Variants in DDAH1 observed in about 807,000 individuals in gnomAD.
DDAH1 encodes the protein N(G),N(G)-dimethylarginine dimethylaminohydrolase 1.
In DDAH1, 19 loss-of-function variants were observed where a neutral mutation model predicts 28.8. That is an observed-to-expected ratio of 0.66 (90% CI 0.46 to 0.97). The LOEUF (loss-of-function observed/expected upper bound fraction) is 0.97, where lower values mean the gene tolerates loss of function less well. Among genes scored for constraint, DDAH1 ranks in the 50% least tolerant of loss-of-function variants. The pLI, the probability that DDAH1 is intolerant of heterozygous loss-of-function variation, is 0.00. For synonymous variants in DDAH1, 153 were observed against 154.4 expected, an observed-to-expected ratio of 0.99 and a Z score of 0.07; for missense variants, 326 against 375.9, an observed-to-expected ratio of 0.87 and a Z score of 1.10.
intron 1 of DDAH1, among the ~76,000 whole-genome samples, chr1:85,426,921 CAAA>C (rs10680800): frequency 2.5e-5 from 3 of 120,430 alleles, no homozygotes; most frequent in Non-Finnish European, 5.0e-5. Context: ...TTAAAAAAAA[CAAA>C]AAAAAAAAAA....
chr1:85,328,350 T>C (rs1257355362), intron 4 of DDAH1, among the ~76,000 whole-genome samples: 4 of 152,186 alleles, frequency 2.6e-5, no homozygotes, highest in African/African-American at 9.7e-5. Context: ...TTTAGTAAAA[T>C]AGTCCATAAA....
chr1:85,355,619 T>C (rs976681337), intron 2 of DDAH1, among the ~76,000 whole-genome samples: 1 of 152,186 alleles, frequency 6.6e-6, no homozygotes, highest in African/African-American at 2.4e-5. Flanking sequence ...AAAAAGAGTT[T>C]ACTCTATCAC....
chr1:85,514,317 A>T lies in DDAH1; in HGVS notation c.-122-18036T>A, dbSNP rs561265194. Among the ~76,000 whole-genome samples, 441 of 152,292 alleles carry T rather than the reference A, an allele frequency of 2.9e-3. 1 individual carries two copies. Among genetic ancestry groups the T allele is most frequent in the Non-Finnish European group, 5.3e-3 (358 of 68,028 alleles). Reference sequence around the variant, plus strand: ...CCAGACACTGCATGTTCTCACTCATAGGTGGGAATTGAACAATGAGATCAC... The same window carrying T: ...CCAGACACTGCATGTTCTCACTCATTGGTGGGAATTGAACAATGAGATCAC... On this transcript the variant is annotated intron_variant, in intron 1 of 6. Transcript: ENST00000426972.
At chr1:85,543,393 C>A (rs1658528852) in intron 1 of DDAH1, among the ~76,000 whole-genome samples, 1 of 152,188 alleles carries the variant, frequency 6.6e-6, no homozygotes, top group South Asian at 2.1e-4. Flanking sequence ...TGGTAAGAGG[C>A]AGACTTGCTC....
At position 85,503,936 on chromosome 1, in the gene DDAH1, G is replaced by A. The variant is rs1056205353; in HGVS notation, c.-122-7655C>T. On this transcript the variant is annotated intron_variant, in intron 1 of 6. Transcript: ENST00000426972. ...CCAGGAGGTGAATCACAGGGGATGC[G>A]GTCAGACAGACAGACTAGCCCAGAT... 1.2e-4 allele frequency among the ~76,000 whole-genome samples: 19 copies of A among 152,092 alleles called. 1 individual carries two copies. Among genetic ancestry groups the A allele is most frequent in the Admixed American group, 1.2e-3 (19 of 15,248 alleles).
At chr1:85,412,522 A>G (rs966635533) in intron 1 of DDAH1, among the ~76,000 whole-genome samples, 6 of 152,014 alleles carry the variant, frequency 3.9e-5, no homozygotes, top group Non-Finnish European at 7.4e-5. Flanking sequence ...CTTTACTACC[A>G]ATCGGTGTAG....
chr1:85,420,350 T>G (rs1366897820), intron 1 of DDAH1, among the ~76,000 whole-genome samples: 1 of 152,238 alleles, frequency 6.6e-6, no homozygotes, highest in Non-Finnish European at 1.5e-5. Flanking sequence ...TTTTCCAAAC[T>G]CTTACTCTCT....
At chr1:85,427,625 A>G (rs1653471291) in intron 1 of DDAH1, among the ~76,000 whole-genome samples, 1 of 152,208 alleles carries the variant, frequency 6.6e-6, no homozygotes, top group Non-Finnish European at 1.5e-5. Flanking sequence ...TGATCATTAA[A>G]CTGGGTATGT....
intron 1 of DDAH1, among the ~76,000 whole-genome samples, chr1:85,429,019 AT>A (rs1160233419): frequency 1.3e-5 from 2 of 151,796 alleles, no homozygotes; most frequent in Admixed American, 6.6e-5. Context: ...TTTATTTTTT[AT>A]TTTTTTATTA....
intron 2 of DDAH1, among the ~76,000 whole-genome samples, chr1:85,476,403 C>T (rs483784): frequency 0.58 from 88,421 of 152,038 alleles, 27,592 homozygotes; most frequent in South Asian, 0.88. Context: ...ATGGAGTCCA[C>T]TGGGGCAGCT....
At chr1:85,335,608 G>A (rs1441221543) in intron 4 of DDAH1, among the ~76,000 whole-genome samples, 1 of 152,112 alleles carries the variant, frequency 6.6e-6, no homozygotes, top group Non-Finnish European at 1.5e-5. Flanking sequence ...AATTAAGCAA[G>A]AGAATATAAC....
intron 2 of DDAH1, among the ~76,000 whole-genome samples, chr1:85,486,797 A>G (rs1357904827): frequency 2.0e-5 from 3 of 152,218 alleles, no homozygotes; most frequent in Non-Finnish European, 4.4e-5. Flanking sequence ...AATGGCATTT[A>G]AAAAGGCATG....
At chr1:85,487,546 C>T (rs574291756) in intron 2 of DDAH1, among the ~76,000 whole-genome samples, 82 of 152,048 alleles carry the variant, frequency 5.4e-4, no homozygotes, top group Non-Finnish European at 9.3e-4. Context: ...TCTTATTTTT[C>T]CAAATGAAAT....
chr1:85,346,325 A>AAAAAT (rs1411784806), intron 4 of DDAH1, among the ~76,000 whole-genome samples: 1 of 152,206 alleles, frequency 6.6e-6, no homozygotes, highest in African/African-American at 2.4e-5. Flanking sequence ...TTACAAGGGA[A>AAAAAT]AAAATAAATA....
At chr1:85,467,680 C>T (rs1425122825), upstream of DDAH1, 1 of 152,150 alleles carries the variant, frequency 6.6e-6, no homozygotes, top group East Asian at 1.9e-4. Context: ...AGTTTACATG[C>T]TTTCACACTT....
At chr1:85,371,702 C>A (rs1650394334) in intron 1 of DDAH1, among the ~76,000 whole-genome samples, 3 of 152,134 alleles carry the variant, frequency 2.0e-5, no homozygotes, top group Non-Finnish European at 4.4e-5. Context: ...CTGTATAGCA[C>A]CATAGGACTA....
At chr1:85,538,666 G>A (rs1231888061) in intron 1 of DDAH1, among the ~76,000 whole-genome samples, 8 of 152,100 alleles carry the variant, frequency 5.3e-5, no homozygotes, top group East Asian at 1.9e-4. Flanking sequence ...TAAAGCAACC[G>A]CAGAAATGCA....
chr1:85,434,194 T>A (rs1266791186), intron 1 of DDAH1, among the ~76,000 whole-genome samples: 5 of 152,170 alleles, frequency 3.3e-5, no homozygotes, highest in Admixed American at 3.3e-4. Context: ...ATTTTAGTTA[T>A]TACATTTAAC....
At chr1:85,359,750 A>G (rs182952092) in intron 1 of DDAH1, among the ~76,000 whole-genome samples, 3 of 152,352 alleles carry the variant, frequency 2.0e-5, no homozygotes, top group African/African-American at 7.2e-5. Context: ...AACAATTACA[A>G]TCAAACCAAT....
Sources: allele counts gnomAD v4.1 joint callset (sites outside exome capture counted in the v4.1 genomes callset), GRCh38; gene constraint gnomAD v4.1.1; transcripts MANE v1.5; gene names NCBI Gene and HGNC (gene_info 2026-07-23, HGNC 2026-07-21).